Variants in TNS4 observed in about 807,000 individuals in gnomAD.
The protein encoded by TNS4 is tensin 4.
Under a neutral mutation model 70.4 loss-of-function variants are expected in TNS4, and 46 were observed. That is an observed-to-expected ratio of 0.65 (90% confidence interval 0.52 to 0.84). TNS4 has a LOEUF of 0.84. TNS4 is among the 40% of genes least tolerant of loss of function. The pLI, the probability that TNS4 is intolerant of heterozygous loss-of-function variation, is 0.00. For missense variants in TNS4, 863 were observed against 907.0 expected (o/e 0.95, Z 0.62); for synonymous variants, 390 against 366.6 (o/e 1.06, Z -0.73).
chr17:40,500,941 T>C (rs1414814545), intron 1 of TNS4, among the ~76,000 whole-genome samples: 1 of 152,138 alleles, frequency 6.6e-6, no homozygotes, highest in Non-Finnish European at 1.5e-5. Flanking sequence ...GCGAGAGGCC[T>C]GGGTTCTGTG....
chr17:40,483,086 A>C (rs761061322), intron 6 of TNS4, among the ~76,000 whole-genome samples: 1 of 151,900 alleles, frequency 6.6e-6, no homozygotes. Context: ...AGTAGCTGGG[A>C]CTACAGGCGT....
In TNS4 at chr17:40,496,208, T is replaced by A. The variant is rs1005985068; in HGVS notation, c.218A>T (p.Glu73Val). ...PGRLQQAPQV[E>V]AKATCFLPSP... ...CGGCAGGAAGCAGGTGGCTTTGGCC[T>A]CCACCTGTGGGGCTTGCTGGAGTCG... Residue 73 changes from glutamate (E) to valine (V), a missense_variant, in exon 2 of 13, where the codon GAG becomes GTG. Glu to Val is a moderately radical substitution (Grantham distance 121). Coordinates refer to ENST00000254051, the MANE Select transcript of TNS4 (RefSeq NM_032865.6). 6.2e-6 allele frequency: 10 copies of A among 1,603,614 alleles called. No homozygotes were observed. Among genetic ancestry groups the A allele is most frequent in the Non-Finnish European group, 8.5e-6 (10 of 1,174,970 alleles).
chr17:40,481,202 A>G (rs891144498), intron 8 of TNS4, among the ~76,000 whole-genome samples: 9 of 151,872 alleles, frequency 5.9e-5, no homozygotes, highest in Admixed American at 1.3e-4. Flanking sequence ...GAGATGATCT[A>G]TTTCATCTGA....
At chr17:40,498,601 G>A (rs908074502) in intron 1 of TNS4, among the ~76,000 whole-genome samples, 3 of 152,074 alleles carry the variant, frequency 2.0e-5, no homozygotes, top group Admixed American at 1.3e-4. Context: ...CTGTTGCCCA[G>A]GCTAGAGTGC....
At chr17:40,494,595 G>C (rs1256332375) in intron 2 of TNS4, among the ~76,000 whole-genome samples, 3 of 152,154 alleles carry the variant, frequency 2.0e-5, no homozygotes, top group Non-Finnish European at 4.4e-5. Flanking sequence ...AGCTGGGCAT[G>C]GTGGCAGGTG....
chr17:40,478,678 G>A (rs968597055), intron 10 of TNS4, 30 bp from the exon 11 acceptor site: 71 of 1,609,794 alleles, frequency 4.4e-5, no homozygotes, highest in East Asian at 1.1e-4. Flanking sequence ...GAAGGGAAGC[G>A]ATGACAGCCT....
Position 40,496,166 on chromosome 17 carries a change from G to A in TNS4, c.260C>T (p.Ala87Val). 6.2e-7 allele frequency: 1 copy of A among 1,609,950 alleles called. No homozygotes were observed. The highest frequency in any genetic ancestry group is 8.5e-7 in the Non-Finnish European group (1 of 1,177,930). Residue 87 changes from alanine to valine, a missense_variant, in exon 2 of 13, where the codon GCC becomes GTC. Physicochemically the swap from Ala to Val is moderately conservative, Grantham distance 64. Coordinates refer to ENST00000254051, the MANE Select transcript of TNS4 (RefSeq NM_032865.6). ...TCFLPSPGEK[A>V]LGTPEDLDSY... is the part of the protein sequence containing the mutation. ...GTCAAGGTCCTCTGGGGTCCCCAAGGCCTTCTCACCAGGGGACGGCAGGAA... is the reference window on the plus strand; with the variant it reads ...GTCAAGGTCCTCTGGGGTCCCCAAGACCTTCTCACCAGGGGACGGCAGGAA...
intron 2 of TNS4, 64 bp from the exon 3 acceptor site, chr17:40,489,033 C>T: frequency 7.0e-7 from 1 of 1,433,044 alleles, no homozygotes; most frequent in Middle Eastern, 1.8e-4. Flanking sequence ...AACAGAGAGG[C>T]TGGAAGTATC....
intron 2 of TNS4, among the ~76,000 whole-genome samples, chr17:40,494,044 T>C (rs2036108958): frequency 6.6e-6 from 1 of 152,234 alleles, no homozygotes; most frequent in Admixed American, 6.5e-5. Flanking sequence ...TGGCAGGCAA[T>C]GCTTGGTGAG....
rs1160453275 is a variant in TNS4 at position 40,487,122 on chromosome 17, C to A, written c.1202G>T (p.Gly401Val). The change falls in exon 4 of 13, where the codon GGA (glycine) becomes GTA (valine). Residue 401 changes from glycine to valine, a missense_variant. Transcript: ENST00000254051. ...TPGHQNSVQP[G>V]AASPSNPCPA... ...ACAGGGGTTGCTGGGAGAAGCAGCT[C>A]CAGGTTGAACGGAGTTCTGGTGTCC... 6.2e-7 allele frequency: 1 copy of A among 1,614,056 alleles called. No homozygotes were observed. The highest frequency in any genetic ancestry group is 8.5e-7 in the Non-Finnish European group (1 of 1,180,048).
rs187149174 is a variant in TNS4 at position 40,477,666 on chromosome 17, C to T, written c.2070G>A (p.Ala690=). Residue 690 remains alanine (A), a synonymous_variant, in exon 13 of 13, where the codon GCG becomes GCA. Coordinates refer to ENST00000254051, the MANE Select transcript of TNS4 (RefSeq NM_032865.6). The stretch of plus-strand genomic sequence containing the variant: ...AGGCTGGCTGGACCATGTCATACTC[C>T]GCAAAGAGGTGGCATACGTTCTCCT... ...EPQENVCHLF[A]EYDMVQPASQ... The T allele has an allele frequency of 5.9e-5, 96 of 1,613,972 alleles. No individual in the cohort carries two copies. The South Asian group carries it at 7.4e-4, about 12-fold the overall frequency.
At chr17:40,492,802 CAA>C (rs1312589225) in intron 2 of TNS4, among the ~76,000 whole-genome samples, 2 of 151,636 alleles carry the variant, frequency 1.3e-5, no homozygotes, top group Non-Finnish European at 2.9e-5. Flanking sequence ...TTTGGGAGGC[CAA>C]GGTGGGCGAA....
chr17:40,494,603 G>C (rs1477442399), intron 2 of TNS4, among the ~76,000 whole-genome samples: 1 of 152,012 alleles, frequency 6.6e-6, no homozygotes, highest in Non-Finnish European at 1.5e-5. Context: ...ATGGTGGCAG[G>C]TGCCTGTAAT....
At chr17:40,478,157 A>C in intron 12 of TNS4, 150 bp downstream of exon 12, 1 of 1,023,866 alleles carries the variant, frequency 9.8e-7, no homozygotes, top group Non-Finnish European at 1.5e-6. Context: ...GAGGGCAGTC[A>C]AAGTCTTTCC....
chr17:40,489,097 G>T, intron 2 of TNS4, 128 bp from the exon 3 acceptor site: 1 of 876,426 alleles, frequency 1.1e-6, no homozygotes, highest in Non-Finnish European at 1.6e-6. Context: ...CTGAGGCCCA[G>T]AGAGGAGAGC....
At chr17:40,478,087 C>T in intron 12 of TNS4, 1 of 633,824 alleles carries the variant, frequency 1.6e-6, no homozygotes, top group Admixed American at 2.9e-5. Flanking sequence ...AGAGCCTGTG[C>T]CTCTTGCAGA....
chr17:40,484,458 G>T, intron 6 of TNS4, 26 bp downstream of exon 6: 2 of 1,605,932 alleles, frequency 1.2e-6, no homozygotes, highest in South Asian at 1.1e-5. Context: ...GTGAGGCCTT[G>T]AGTGAGCACA....
rs142505472 is a variant in TNS4, at chr17:40,488,609, C to T, written c.800G>A (p.Arg267Gln). ...TGACAGCACAGAGATCCTGCTGCCC[C>T]GCTGTGGGGCCAGGCCTCCCAGCCG... Reference protein sequence around the residue: ...EKRLGGLAPQRGSRISVLSAS... With the variant: ...EKRLGGLAPQQGSRISVLSAS... The change falls in exon 3 of 13, where the codon CGG becomes CAG. Residue 267 changes from arginine to glutamine, a missense_variant. Physicochemically the swap from Arg to Gln is conservative, Grantham distance 43 (BLOSUM62 1). Transcript: ENST00000254051. The T allele has an allele frequency of 3.0e-5, 45 of 1,516,758 alleles. No homozygotes were observed. The highest frequency in any genetic ancestry group is 1.1e-4 in the East Asian group (5 of 43,962). The allele number at this position is 1,516,758 out of a possible 1,614,324, so 94.0% of individuals were successfully genotyped here.
rs148373689 is a variant in TNS4, at chr17:40,488,687, G to T, written c.722C>A (p.Ser241Ter). ...ISIPCMGSKA[S>*]SPHGLGSPLV... is the part of the protein sequence containing the mutation. ...CGGGGAGCCCAAACCATGGGGGCTC[G>T]AGGCCTTGCTCCCCATGCAAGGGAT... The change falls in exon 3 of 13, where the codon TCG (serine) becomes TAG (stop). Residue 241 changes from serine (S) to a stop codon, truncating the protein, a stop_gained. Coordinates refer to ENST00000254051, the MANE Select transcript of TNS4 (RefSeq NM_032865.6). LOFTEE classifies it high-confidence loss of function. The T allele has an allele frequency of 1.3e-6, 2 of 1,578,942 alleles. No homozygotes were observed. The highest frequency in any genetic ancestry group is 2.3e-5 in the South Asian group (2 of 88,340).
Sources: gnomAD v4.1 joint callset for allele counts (sites outside exome capture counted in the v4.1 genomes callset) on GRCh38, gnomAD v4.1.1 for gene constraint, MANE v1.5 for transcripts, NCBI Gene and HGNC (gene_info 2026-07-23, HGNC 2026-07-21) for gene names.